Variants in GRK5 observed in about 807,000 individuals in gnomAD.
The protein encoded by GRK5 is g protein-coupled receptor kinase GRK5.
In GRK5, 40 loss-of-function variants were observed where a neutral mutation model predicts 78.4. The observed-to-expected ratio is 0.51, with a 90% CI of 0.40 to 0.66. The LOEUF (loss-of-function observed/expected upper bound fraction) is 0.66. Among genes scored for constraint, GRK5 ranks in the 30% least tolerant of loss-of-function variants. The pLI, the probability that GRK5 is intolerant of heterozygous loss-of-function variation, is 0.00. For synonymous variants in GRK5, 289 were observed against 296.8 expected (o/e 0.97, Z 0.27); for missense variants, 598 against 759.9 (o/e 0.79, Z 2.50).
Position 119,317,600 on chromosome 10 carries a change from C to T in GRK5, c.53-8916C>T, listed in dbSNP as rs12265216. ...GGTTTGCCCTGCCCCTGTGAGTGGCCCTATTAATGGCTTTAAGCCTGCCAG... is the reference window on the plus strand; with the variant it reads ...GGTTTGCCCTGCCCCTGTGAGTGGCTCTATTAATGGCTTTAAGCCTGCCAG... On this transcript the variant is annotated intron_variant, in intron 1 of 15. Coordinates refer to ENST00000392870, the MANE Select transcript of GRK5 (RefSeq NM_005308.3). Among the ~76,000 whole-genome samples the T allele has an allele frequency of 9.0e-3, 1,366 of 152,134 alleles. 13 individuals carry two copies. The highest frequency in any genetic ancestry group is 0.032 in the African/African-American group (1,331 of 41,474).
chr10:119,290,506 C>T (rs4752276), intron 1 of GRK5, among the ~76,000 whole-genome samples: 128,566 of 151,990 alleles, frequency 0.85, 54,475 homozygotes, highest in East Asian at 1. Context: ...GACATCGTGA[C>T]GATTTTAAAG....
intron 6 of GRK5, among the ~76,000 whole-genome samples, chr10:119,425,879 T>G (rs1852668774): frequency 6.6e-6 from 1 of 152,282 alleles, no homozygotes; most frequent in Admixed American, 6.5e-5. Context: ...AGGACCTGAC[T>G]TAGCTTCCCA....
chr10:119,215,128 C>T (rs1442439061), intron 1 of GRK5, among the ~76,000 whole-genome samples: 1 of 152,240 alleles, frequency 6.6e-6, no homozygotes, highest in Non-Finnish European at 1.5e-5. Context: ...TTCAGGGGCT[C>T]TGTTCAACGT....
At chr10:119,381,261 G>T (rs1284691099) in intron 3 of GRK5, among the ~76,000 whole-genome samples, 1 of 152,196 alleles carries the variant, frequency 6.6e-6, no homozygotes, top group East Asian at 1.9e-4. Flanking sequence ...GGATCTCAAG[G>T]CCCCTTCCTC....
rs1272090633 is a variant in GRK5 at position 119,423,053 on chromosome 10, A to G, written c.340-113A>G. 4.1e-6 allele frequency: 3 copies of G among 730,698 alleles called. No individual in the cohort carries two copies. In the East Asian group the frequency reaches 7.4e-5, roughly 18 times the overall value. The allele number at this position is 730,698 out of a possible 1,614,324, so 45.3% of individuals were successfully genotyped here. ...CACACTGGGGCACAGACGGGCTGCC[A>G]GATGTACCAGCACCTGGAGCGTGGC... is the stretch of plus-strand genomic sequence containing the variant. On this transcript the variant is annotated intron_variant, in intron 4 of 15. Coordinates refer to ENST00000392870, the MANE Select transcript of GRK5 (RefSeq NM_005308.3).
rs1203678691 is a variant in GRK5, at chr10:119,452,276, G to A, written c.1405-395G>A. Among the ~76,000 whole-genome samples the A allele has an allele frequency of 6.6e-6, 1 of 152,178 alleles. No individual in the cohort carries two copies. Among genetic ancestry groups the A allele is most frequent in the Non-Finnish European group, 1.5e-5 (1 of 68,022 alleles). ...CAAAGTTCCTAAGCCCCACAGCTGGGACTCTAGCCCACGTCTGTCCAGTAT... is the reference window on the plus strand; with the variant it reads ...CAAAGTTCCTAAGCCCCACAGCTGGAACTCTAGCCCACGTCTGTCCAGTAT... On this transcript the variant is annotated intron_variant, in intron 13 of 15. Coordinates refer to ENST00000392870, the MANE Select transcript of GRK5 (RefSeq NM_005308.3). The surrounding 1 kb of genome is among the most constrained non-coding windows in gnomAD (Gnocchi z 4.4).
intron 3 of GRK5, among the ~76,000 whole-genome samples, chr10:119,394,283 T>G (rs1851964705): frequency 1.7e-5 from 1 of 57,316 alleles, no homozygotes; most frequent in Non-Finnish European, 4.4e-5. Context: ...GGCGTGTGTG[T>G]GGGTGTGTAT....
At chr10:119,219,486 CA>C (rs1464196604) in intron 1 of GRK5, among the ~76,000 whole-genome samples, 2 of 152,140 alleles carry the variant, frequency 1.3e-5, no homozygotes, top group Non-Finnish European at 2.9e-5. Context: ...CTTCTGGTCA[CA>C]AGCATTTCAG....
At chr10:119,343,497 G>C (rs1161144071) in intron 2 of GRK5, among the ~76,000 whole-genome samples, 1 of 152,246 alleles carries the variant, frequency 6.6e-6, no homozygotes, top group Non-Finnish European at 1.5e-5. Context: ...CACAGGCACA[G>C]ATCTCTGAAG....
chr10:119,385,392 G>A (rs2133836344), intron 3 of GRK5, among the ~76,000 whole-genome samples: 1 of 152,292 alleles, frequency 6.6e-6, no homozygotes, highest in South Asian at 2.1e-4. Context: ...GGCCTCCTAA[G>A]TAGCTGCAAA....
chr10:119,257,957 A>T (rs1849316288), intron 1 of GRK5, among the ~76,000 whole-genome samples: 1 of 152,138 alleles, frequency 6.6e-6, no homozygotes, highest in Non-Finnish European at 1.5e-5. Context: ...ATTTAGTGAA[A>T]ATGTAATTTA....
intron 2 of GRK5, among the ~76,000 whole-genome samples, chr10:119,348,901 C>T (rs1305245462): frequency 7.2e-5 from 11 of 152,150 alleles, no homozygotes; most frequent in Admixed American, 3.9e-4. Flanking sequence ...GGTGGCCAGA[C>T]GACAGGGCCG....
chr10:119,242,965 G>A (rs984152932), intron 1 of GRK5, among the ~76,000 whole-genome samples: 2 of 152,108 alleles, frequency 1.3e-5, no homozygotes, highest in African/African-American at 4.8e-5. Flanking sequence ...TAGGCCAGGC[G>A]CAGTGGCTCA....
chr10:119,370,285 G>A (rs291979), intron 2 of GRK5, among the ~76,000 whole-genome samples: 27,024 of 152,082 alleles, frequency 0.18, 2,736 homozygotes, highest in Non-Finnish European at 0.23. Flanking sequence ...GACACCCTGC[G>A]ATTCAGTGGT....
intron 4 of GRK5, among the ~76,000 whole-genome samples, chr10:119,410,978 C>G (rs868679614): frequency 2.0e-4 from 31 of 151,522 alleles, no homozygotes; most frequent in Admixed American, 7.9e-4. Context: ...CATTGGCCAA[C>G]AGAGTTGGTC....
intron 1 of GRK5, among the ~76,000 whole-genome samples, chr10:119,277,285 T>C (rs1360711469): frequency 2.0e-5 from 3 of 152,070 alleles, no homozygotes; most frequent in African/African-American, 7.2e-5. Context: ...CCTGGCTGAC[T>C]GCGTGAACTT....
chr10:119,330,453 GGTTCCACCCTCATGACCAA>G (rs1015817795), intron 2 of GRK5: 1 of 151,300 alleles, frequency 6.6e-6, no homozygotes, highest in Non-Finnish European at 1.5e-5. Flanking sequence ...TATTCATGAT[GGTTCCACCCTCATGACCAA>G]ATCACCTCCC....
intron 1 of GRK5, among the ~76,000 whole-genome samples, chr10:119,246,880 G>A (rs930616200): frequency 6.6e-6 from 1 of 152,166 alleles, no homozygotes; most frequent in South Asian, 2.1e-4. Context: ...TGGTCTCCTC[G>A]TGGATTTGCA....
chr10:119,413,191 C>A (rs1484274370), intron 4 of GRK5, among the ~76,000 whole-genome samples: 1 of 151,956 alleles, frequency 6.6e-6, no homozygotes, highest in South Asian at 2.1e-4. Context: ...CACTTCTCCC[C>A]CACCCAGCAA....
Sources: gnomAD v4.1 joint callset for allele counts (sites outside exome capture counted in the v4.1 genomes callset) on GRCh38, gnomAD v4.1.1 for gene constraint, Gnocchi (gnomAD v3.1) non-coding constraint, MANE v1.5 for transcripts, NCBI Gene and HGNC (gene_info 2026-07-23, HGNC 2026-07-21) for gene names.